INTS6L: variants seen among roughly 807,000 people sequenced by gnomAD.
INTS6L encodes the protein integrator complex subunit 6 like, also known as integrator complex subunit 6-like.
A neutral mutation model predicts 64.7 loss-of-function variants in INTS6L; 18 were observed. That is an observed-to-expected ratio of 0.28 (90% CI 0.19 to 0.41). The LOEUF (loss-of-function observed/expected upper bound fraction) is 0.41. Among genes scored for constraint, INTS6L ranks in the 10% least tolerant of loss-of-function variants. The pLI, the probability that INTS6L is intolerant of heterozygous loss-of-function variation, is 1.00. For synonymous variants in INTS6L, 227 were observed against 235.9 expected, an observed-to-expected ratio of 0.96 and a Z score of 0.34; for missense variants, 533 against 661.0, an observed-to-expected ratio of 0.81 and a Z score of 2.12.
chrX:135,581,006 A>G (rs2087356855), intron 16 of INTS6L, 44 bp from the exon 17 acceptor site: 3 of 929,768 alleles, frequency 3.2e-6, no homozygotes, highest in South Asian at 2.8e-5. Flanking sequence ...TTTATTTCCC[A>G]TTCATCTTTA....
At chrX:135,524,668 A>G (rs930581582) in intron 2 of INTS6L, among the ~76,000 whole-genome samples, 1 of 111,653 alleles carries the variant, frequency 9.0e-6, no homozygotes, top group African/African-American at 3.3e-5. Context: ...TCTTCCCAGT[A>G]TATCCACTTA....
intron 2 of INTS6L, among the ~76,000 whole-genome samples, chrX:135,536,722 G>C (rs1204340673): frequency 1.8e-5 from 2 of 111,516 alleles, no homozygotes; most frequent in Non-Finnish European, 3.8e-5. Flanking sequence ...GCTAAAATGG[G>C]ATGAAGTTCA....
intron 16 of INTS6L, among the ~76,000 whole-genome samples, chrX:135,580,583 C>T (rs1458057324): frequency 8.9e-6 from 1 of 112,207 alleles, no homozygotes; most frequent in African/African-American, 3.2e-5. Flanking sequence ...GCCCCTTCCT[C>T]CATCTTCATG....
chrX:135,579,279 T>C (rs1265480645), intron 15 of INTS6L, among the ~76,000 whole-genome samples: 8 of 111,801 alleles, frequency 7.2e-5, no homozygotes, highest in African/African-American at 2.6e-4. Flanking sequence ...AAAGAAGGAT[T>C]AGGAAGATAA....
At chrX:135,550,576 A>G (rs1357924857) in intron 7 of INTS6L, among the ~76,000 whole-genome samples, 1 of 111,317 alleles carries the variant, frequency 9.0e-6, no homozygotes, top group Non-Finnish European at 1.9e-5. Flanking sequence ...GGGGACACAA[A>G]CAAATCACTA....
In INTS6L at chrX:135,575,014, G is replaced by A. The variant is rs192106485; in HGVS notation, c.1742-70G>A. ...GACACACACTGCTAAACCAAACTAT[G>A]ATCATGTCTTCTCGAAAGGACCATA... On this transcript the variant is annotated intron_variant, in intron 13 of 17. Coordinates refer to ENST00000639893, the MANE Select transcript of INTS6L (RefSeq NM_001351601.3). 5.6e-4 allele frequency: 626 copies of A among 1,125,639 alleles called. 2 individuals carry two copies. The highest frequency in any genetic ancestry group is 4.9e-4 in the Middle Eastern group (2 of 4,059). 92.8% of individuals were successfully genotyped at this position (1,125,639 alleles called of 1,213,427 possible). A position where few individuals can be genotyped will look rare whatever the true frequency, so the allele number is the denominator to read the frequency against.
intron 2 of INTS6L, among the ~76,000 whole-genome samples, chrX:135,537,473 TA>T (rs1426696692): frequency 8.9e-6 from 1 of 111,827 alleles, no homozygotes; most frequent in Admixed American, 9.5e-5. Context: ...TTATAGGATA[TA>T]AAAACTGCAA....
intron 14 of INTS6L, 146 bp downstream of exon 14, chrX:135,575,372 C>T: frequency 5.7e-6 from 4 of 701,249 alleles, no homozygotes; most frequent in Non-Finnish European, 8.1e-6. Context: ...TAGTGGGAGC[C>T]TCCTGATGCA....
chrX:135,546,166 C>T (rs926576084), intron 3 of INTS6L, among the ~76,000 whole-genome samples: 5 of 111,976 alleles, frequency 4.5e-5, no homozygotes, highest in African/African-American at 1.3e-4. Context: ...TGGGGAGTTC[C>T]TGAATTATAA....
In INTS6L at chrX:135,521,121, G is replaced by A. The variant is rs2085527896; in HGVS notation, c.111+18G>A. On this transcript the variant is annotated intron_variant, in intron 1 of 17. Transcript: ENST00000639893. ...TCTTGAAGGTAAAGGGAGGGGAGGG[G>A]AGAGATGGGGAGAGCTCCCGAGGGA... 4.2e-6 allele frequency: 5 copies of A among 1,188,553 alleles called. No homozygotes were observed. The South Asian group carries it at 7.1e-5, about 17-fold the overall frequency.
chrX:135,550,754 G>A (rs1569510903), intron 7 of INTS6L, among the ~76,000 whole-genome samples: 1 of 111,448 alleles, frequency 9.0e-6, no homozygotes, highest in Non-Finnish European at 1.9e-5. Context: ...GAGCCCTTTT[G>A]GCCCCTGCTG....
At chrX:135,556,366 C>T in intron 9 of INTS6L, 66 bp downstream of exon 9, 2 of 950,178 alleles carry the variant, frequency 2.1e-6, no homozygotes, top group Non-Finnish European at 2.8e-6. Flanking sequence ...CGATAATAGA[C>T]TAAGCATTTT....
intron 8 of INTS6L, 72 bp from the exon 9 acceptor site, chrX:135,556,096 A>G: frequency 9.9e-7 from 1 of 1,014,320 alleles, no homozygotes; most frequent in Non-Finnish European, 1.3e-6. Flanking sequence ...CTGCTATGGA[A>G]TGTTACAATG....
rs1212524274 is a variant in INTS6L, at chrX:135,546,843, A to T, written c.571A>T (p.Thr191Ser). ...TEPEQLGSVPTDESAITQMCE... is the reference protein window; with the variant it reads ...TEPEQLGSVPSDESAITQMCE... ...ACCAGAGCAACTAGGGAGCGTACCAACTGATGAATCTGCCATCACACAGAT... is the reference window on the plus strand; with the variant it reads ...ACCAGAGCAACTAGGGAGCGTACCATCTGATGAATCTGCCATCACACAGAT... The change falls in exon 5 of 18, where the codon ACT (threonine) becomes TCT (serine). Residue 191 changes from threonine to serine, a missense_variant. Coordinates refer to ENST00000639893, the MANE Select transcript of INTS6L (RefSeq NM_001351601.3). 8.3e-7 allele frequency: 1 copy of T among 1,210,725 alleles called. No individual in the cohort carries two copies. Among genetic ancestry groups the T allele is most frequent in the Middle Eastern group, 2.3e-4 (1 of 4,348 alleles).
intron 2 of INTS6L, among the ~76,000 whole-genome samples, chrX:135,530,630 A>G (rs1215364854): frequency 8.9e-6 from 1 of 112,285 alleles, no homozygotes; most frequent in African/African-American, 3.2e-5. Context: ...AACGTCTGGA[A>G]TACCATCATG....
At chrX:135,542,553 GGGAAGGAA>G (rs374727290) in intron 2 of INTS6L, among the ~76,000 whole-genome samples, 12 of 107,712 alleles carry the variant, frequency 1.1e-4, no homozygotes, top group African/African-American at 3.1e-4. Context: ...AGGGAGGGAG[GGGAAGGAA>G]GGAAGGAAGG....
At chrX:135,581,337 A>T (rs1331349881) in intron 17 of INTS6L, among the ~76,000 whole-genome samples, 191 bp from the exon 18 acceptor site, 1 of 112,092 alleles carries the variant, frequency 8.9e-6, no homozygotes, top group East Asian at 2.8e-4. Flanking sequence ...TTCTACTTTT[A>T]TCATAGCCTC....
intron 9 of INTS6L, among the ~76,000 whole-genome samples, chrX:135,565,122 A>G (rs2086907718): frequency 8.9e-6 from 1 of 112,069 alleles, no homozygotes; most frequent in South Asian, 3.7e-4. Context: ...AGCAGTTGTG[A>G]AAGTCCTATA....
At chrX:135,569,136 A>G (rs782806824) in intron 9 of INTS6L, among the ~76,000 whole-genome samples, 2 of 112,130 alleles carry the variant, frequency 1.8e-5, no homozygotes, top group East Asian at 5.6e-4. Context: ...AGGAATATGT[A>G]ACTTAAGAAT....
Sources: allele counts gnomAD v4.1 joint callset (sites outside exome capture counted in the v4.1 genomes callset), GRCh38; gene constraint gnomAD v4.1.1; transcripts MANE v1.5; gene names NCBI Gene and HGNC (gene_info 2026-07-23, HGNC 2026-07-21).